Variants in TTLL3 observed in about 807,000 individuals in gnomAD.
TTLL3 encodes tubulin monoglycylase TTLL3.
In TTLL3, 63 loss-of-function variants were observed where a neutral mutation model predicts 75.2. The ratio of observed to expected loss-of-function variants is 0.84; its 90% CI spans 0.68 to 1.03. TTLL3 has a LOEUF of 1.03. TTLL3 is among the 50% of genes least tolerant of loss of function. The probability of loss-of-function intolerance (pLI) is 0.00; values close to 1 mark genes in which losing one functional copy is unlikely to be tolerated. For missense variants in TTLL3, 997 were observed against 1,069.9 expected, an observed-to-expected ratio of 0.93 and a Z score of 0.95; for synonymous variants, 393 against 418.5, an observed-to-expected ratio of 0.94 and a Z score of 0.74.
At chr3:9,817,782 GC>G in intron 6 of TTLL3, 23 bp downstream of exon 6, 1 of 1,613,962 alleles carries the variant, frequency 6.2e-7, no homozygotes, top group South Asian at 1.1e-5. Flanking sequence ...CCAGCCCTAT[GC>G]CTGAACCTCA....
chr3:9,811,374 C>T (rs115663117), intron 2 of TTLL3, among the ~76,000 whole-genome samples: 38 of 151,754 alleles, frequency 2.5e-4, no homozygotes, highest in African/African-American at 8.4e-4. Flanking sequence ...TCTTTCCCAT[C>T]TCTCAGTTCC....
At position 9,829,103 on chromosome 3, in the gene TTLL3, C is replaced by A. The variant is rs369884482; in HGVS notation, c.1391C>A (p.Ser464Tyr). 11 of 1,614,116 alleles carry A rather than the reference C, an allele frequency of 6.8e-6. No individual in the cohort carries two copies. In the African/African-American group the frequency reaches 1.5e-4, roughly 22 times the overall value. The change falls in exon 11 of 14, where the codon TCC (serine) becomes TAC (tyrosine). Residue 464 changes from serine to tyrosine, a missense_variant. Coordinates refer to ENST00000685419, the MANE Select transcript of TTLL3 (RefSeq NM_001387446.1). ...GAGATGGGTGCCCCAAATGCTTGGT[C>A]CACCATCATCGTGCCTGGCATGAAG... ...LQEMGAPNAWSTIIVPGMKDA... is the reference protein window; with the variant it reads ...LQEMGAPNAWYTIIVPGMKDA...
At chr3:9,818,723 G>T in intron 6 of TTLL3, 99 bp from the exon 7 acceptor site, 1 of 1,596,000 alleles carries the variant, frequency 6.3e-7, no homozygotes, top group Non-Finnish European at 8.5e-7. Flanking sequence ...GTAGAGTCAG[G>T]TTCTGGATCC....
intron 8 of TTLL3, among the ~76,000 whole-genome samples, chr3:9,823,243 G>A (rs577515208): frequency 1.1e-4 from 16 of 152,030 alleles, no homozygotes; most frequent in Non-Finnish European, 1.6e-4. Flanking sequence ...AATTAGCTGG[G>A]TGTGGTGGTG....
At position 9,820,612 on chromosome 3, in the gene TTLL3, C is replaced by A. The variant is rs1318102597; in HGVS notation, c.725C>A (p.Ala242Asp). The A allele has an allele frequency of 6.2e-7, 1 of 1,614,090 alleles. No individual in the cohort carries two copies. The highest frequency in any genetic ancestry group is 1.1e-5 in the South Asian group (1 of 91,080). ...GTGTCCCCAGAGTTTGTGGATGAAG[C>A]TCTGTGTGCGTGCGAGGAGTACCTT... ...VLVSPEFVDE[A>D]LCACEEYLSN... Residue 242 changes from alanine to aspartate, a missense_variant, in exon 8 of 14, where the codon GCT becomes GAT. Physicochemically the swap from Ala to Asp is moderately radical, Grantham distance 126. Transcript: ENST00000685419.
At chr3:9,833,755 C>T (rs541449275) in intron 12 of TTLL3, among the ~76,000 whole-genome samples, 14 of 152,232 alleles carry the variant, frequency 9.2e-5, no homozygotes, top group African/African-American at 3.1e-4. Flanking sequence ...TAATGAGGAT[C>T]GCTTGAGCCC....
At chr3:9,809,919 C>T (rs2079181751), upstream of TTLL3, 8 of 200,254 alleles carry the variant, frequency 4.0e-5, no homozygotes, top group Non-Finnish European at 5.6e-5. Context: ...AGGCTCGAGC[C>T]TAGGCAGGAA....
chr3:9,835,552 C>A lies in TTLL3; in HGVS notation c.*63C>A. ...TTCCCACCTAAGGACAGACATGGGG[C>A]TTCCTATTTAGGGACTCCCCCAGCA... On this transcript the variant is annotated 3_prime_UTR_variant, in exon 14 of 14. Coordinates refer to ENST00000685419, the MANE Select transcript of TTLL3 (RefSeq NM_001387446.1). 1 of 1,477,514 alleles carries A rather than the reference C, an allele frequency of 6.8e-7. No individual in the cohort carries two copies. The highest frequency in any genetic ancestry group is 9.0e-7 in the Non-Finnish European group (1 of 1,106,428). 91.5% of individuals were successfully genotyped at this position (1,477,514 alleles called of 1,614,324 possible). A position where few individuals can be genotyped will look rare whatever the true frequency, so the allele number is the denominator to read the frequency against.
At chr3:9,824,309 G>A (rs1346910532) in intron 8 of TTLL3, among the ~76,000 whole-genome samples, 1 of 152,250 alleles carries the variant, frequency 6.6e-6, no homozygotes, top group Admixed American at 6.5e-5. Context: ...AAAAGCACCT[G>A]TGGGTGGAGG....
At chr3:9,820,903 C>A in intron 8 of TTLL3, 162 bp downstream of exon 8, 1 of 1,252,370 alleles carries the variant, frequency 8.0e-7, no homozygotes, top group Non-Finnish European at 1.1e-6. Flanking sequence ...GTGATAGGGT[C>A]TGGGCCACTT....
chr3:9,810,207 C>T (rs924022664), upstream of TTLL3: 2 of 1,486,430 alleles, frequency 1.3e-6, no homozygotes, highest in Admixed American at 2.3e-5. The surrounding 1 kb of genome is among the most constrained non-coding windows in gnomAD (Gnocchi z 4.4). Flanking sequence ...CATGGGCCGG[C>T]CCTGCCTCCG....
At chr3:9,825,537 G>A in intron 8 of TTLL3, 1 of 534,112 alleles carries the variant, frequency 1.9e-6, no homozygotes, top group Non-Finnish European at 3.4e-6. Flanking sequence ...GGTGGCACAG[G>A]TGGAGTGTTG....
Position 9,813,193 on chromosome 3 carries a change from A to T in TTLL3, c.218-55A>T, listed in dbSNP as rs562702971. ...CCCACTGTCCCAGAGTTGAGGCCTT[A>T]TGGGCTATGGGTCAGGGAGAGGAAA... On this transcript the variant is annotated intron_variant, in intron 3 of 13. Coordinates refer to ENST00000685419, the MANE Select transcript of TTLL3 (RefSeq NM_001387446.1). 281 of 1,613,268 alleles carry T rather than the reference A, an allele frequency of 1.7e-4. 4 individuals carry two copies. The South Asian group carries it at 2.9e-3, about 17-fold the overall frequency.
intron 2 of TTLL3, among the ~76,000 whole-genome samples, chr3:9,811,330 C>T (rs2079332770): frequency 6.6e-6 from 1 of 152,188 alleles, no homozygotes; most frequent in South Asian, 2.1e-4. Context: ...CTTTGATCTT[C>T]CTGCCCAAAC....
In TTLL3 at chr3:9,825,904, G is replaced by GC. The variant is rs2080993289; in HGVS notation, c.960dup (p.Asn321GlnfsTer48). ...CCCCAGATAGACATGGAAGGGGATC[G>GC]CAACATCTGGATCGTGAAGCCAGGA... On this transcript the variant is annotated frameshift_variant, in exon 9 of 14. Coordinates refer to ENST00000685419, the MANE Select transcript of TTLL3 (RefSeq NM_001387446.1). LOFTEE classifies it high-confidence loss of function. 1 of 1,614,030 alleles carries GC rather than the reference G, an allele frequency of 6.2e-7. No homozygotes were observed. Among genetic ancestry groups the GC allele is most frequent in the Non-Finnish European group, 8.5e-7 (1 of 1,180,014 alleles).
rs1161382508 is a variant in TTLL3, at chr3:9,835,482, G to A, written c.2441G>A (p.Arg814Lys). Residue 814 changes from arginine to lysine, a missense_variant, in exon 14 of 14, where the codon AGA (arginine) becomes AAA (lysine). Physicochemically the swap from Arg to Lys is conservative, Grantham distance 26. Coordinates refer to ENST00000685419, the MANE Select transcript of TTLL3 (RefSeq NM_001387446.1). ...CCGTGTACCCCAGGGTCCACAGCAA[G>A]AGCCTGAGGCCATCAGCAGCTCCTC... ...ARPCTPGSTA[R>K]A The A allele has an allele frequency of 1.3e-6, 2 of 1,591,174 alleles. No individual in the cohort carries two copies. The highest frequency in any genetic ancestry group is 1.7e-6 in the Non-Finnish European group (2 of 1,170,190).
intron 6 of TTLL3, 83 bp downstream of exon 6, chr3:9,817,842 G>C: frequency 6.4e-7 from 1 of 1,570,448 alleles, no homozygotes; most frequent in Non-Finnish European, 8.7e-7. Context: ...AGAGAAACAG[G>C]CCTCTCTTCA....
chr3:9,835,366 C>T lies in TTLL3; in HGVS notation c.2325C>T (p.Val775=), dbSNP rs752383502. The T allele has an allele frequency of 4.3e-6, 7 of 1,614,028 alleles. No homozygotes were observed. The East Asian group carries it at 1.3e-4, about 31-fold the overall frequency. ...TGCTTCGATTCCCCACTGCCCTTGT[C>T]CTGGATCCAACACCAAATAAAAAGA... ...KPLLRFPTAL[V]LDPTPNKKKQ... The change falls in exon 14 of 14, where the codon GTC becomes GTT. Residue 775 remains valine (V), a synonymous_variant. Transcript: ENST00000685419.
chr3:9,817,069 T>G (rs2125700622), intron 5 of TTLL3, among the ~76,000 whole-genome samples: 1 of 152,246 alleles, frequency 6.6e-6, no homozygotes, highest in Middle Eastern at 3.4e-3. Flanking sequence ...CACTTCAGCC[T>G]CCCAGAGTGC....
Sources: gnomAD v4.1 joint callset for allele counts (sites outside exome capture counted in the v4.1 genomes callset) on GRCh38, gnomAD v4.1.1 for gene constraint, Gnocchi (gnomAD v3.1) non-coding constraint, MANE v1.5 for transcripts, NCBI Gene and HGNC (gene_info 2026-07-23, HGNC 2026-07-21) for gene names.